ZFAND3: variants seen among roughly 807,000 people sequenced by gnomAD.
ZFAND3 encodes zinc finger AN1-type containing 3, also known as AN1-type zinc finger protein 3.
ZFAND3 carries 10 observed loss-of-function variants against 29.6 expected under a neutral mutation model. That is an observed-to-expected ratio of 0.34 (90% CI 0.21 to 0.57). The LOEUF (loss-of-function observed/expected upper bound fraction) is 0.57, where lower values mean the gene tolerates loss of function less well. Among genes scored for constraint, ZFAND3 ranks in the 20% least tolerant of loss-of-function variants. The pLI, the probability that ZFAND3 is intolerant of heterozygous loss-of-function variation, is 0.86. For synonymous variants in ZFAND3, 128 were observed against 112.6 expected (o/e 1.14, Z -0.87); for missense variants, 230 against 304.5 (o/e 0.76, Z 1.82).
chr6:38,074,213 A>C (rs948942122), intron 3 of ZFAND3, among the ~76,000 whole-genome samples: 2 of 152,190 alleles, frequency 1.3e-5, no homozygotes, highest in African/African-American at 4.8e-5. Context: ...TGCTTTCTTC[A>C]TATTCATATA....
At chr6:38,090,224 A>G (rs1295223996) in intron 4 of ZFAND3, among the ~76,000 whole-genome samples, 1 of 152,222 alleles carries the variant, frequency 6.6e-6, no homozygotes. Flanking sequence ...TCCTTCAGGT[A>G]TAGCTCTTCC....
intron 1 of ZFAND3, among the ~76,000 whole-genome samples, chr6:37,907,979 A>T (rs1765439529): frequency 6.6e-6 from 1 of 152,202 alleles, no homozygotes; most frequent in Non-Finnish European, 1.5e-5. Flanking sequence ...CAGTAATCTC[A>T]TGTCAGCTAC....
chr6:38,121,388 AAAAC>A (rs1160381234), intron 5 of ZFAND3, among the ~76,000 whole-genome samples: 4 of 152,206 alleles, frequency 2.6e-5, no homozygotes, highest in African/African-American at 7.2e-5. Context: ...TAAAAACTAA[AAAAC>A]AAACAACAAA....
At chr6:38,074,209 CTTCATA>C (rs1294936224) in intron 3 of ZFAND3, among the ~76,000 whole-genome samples, 1 of 152,104 alleles carries the variant, frequency 6.6e-6, no homozygotes, top group Non-Finnish European at 1.5e-5. Context: ...AGTGTGCTTT[CTTCATA>C]TTCATATAAA....
intron 2 of ZFAND3, among the ~76,000 whole-genome samples, chr6:38,033,336 A>T (rs560355369): frequency 1.3e-5 from 2 of 152,254 alleles, no homozygotes; most frequent in South Asian, 4.1e-4. Flanking sequence ...TTATTTTTTT[A>T]AAAAAGGAAA....
At chr6:37,993,045 A>G (rs1471101166) in intron 2 of ZFAND3, among the ~76,000 whole-genome samples, 2 of 152,172 alleles carry the variant, frequency 1.3e-5, no homozygotes, top group African/African-American at 2.4e-5. Context: ...ATGTTTGATC[A>G]TGTACTTAAG....
At chr6:38,068,065 A>C (rs2127465901) in intron 3 of ZFAND3, among the ~76,000 whole-genome samples, 1 of 152,334 alleles carries the variant, frequency 6.6e-6, no homozygotes, top group South Asian at 2.1e-4. Context: ...CTAAACTAGC[A>C]GTTAGAGAGT....
At chr6:38,036,221 A>G (rs560359351) in intron 2 of ZFAND3, among the ~76,000 whole-genome samples, 1 of 152,238 alleles carries the variant, frequency 6.6e-6, no homozygotes, top group Non-Finnish European at 1.5e-5. Context: ...ACCAGTAAGA[A>G]GTTTATGTGA....
In ZFAND3 at chr6:37,984,043, T is replaced by C. The variant is rs563085615; in HGVS notation, c.112+54044T>C. Among the ~76,000 whole-genome samples, 3 of 152,364 alleles carry C rather than the reference T, an allele frequency of 2.0e-5. No homozygotes were observed. The East Asian group carries it at 5.8e-4, about 29-fold the overall frequency. ...TCCATCATTTTTCTTTTTTGGGTTA[T>C]AGTCTTTTTGAAAGCACAGTTGGAT... On this transcript the variant is annotated intron_variant, in intron 2 of 5. Coordinates refer to ENST00000287218, the MANE Select transcript of ZFAND3 (RefSeq NM_021943.3).
chr6:37,819,837 C>CCCCCGCTCCTT lies in ZFAND3; in HGVS notation c.-105_-104insGCTCCTTCCCC. The CCCCCGCTCCTT allele has an allele frequency of 2.4e-6, 1 of 423,894 alleles. No homozygotes were observed. The highest frequency in any genetic ancestry group is 3.4e-6 in the Non-Finnish European group (1 of 294,698). 26.3% of individuals were successfully genotyped at this position (423,894 alleles called of 1,614,324 possible). ...GCCCGCGCGCCCGCTCCTTCCCCCT[C>CCCCCGCTCCTT]CCCCCGCCCCGAGCCCCCCGACGCC... On this transcript the variant is annotated 5_prime_UTR_variant, in exon 1 of 6. Coordinates refer to ENST00000287218, the MANE Select transcript of ZFAND3 (RefSeq NM_021943.3).
intron 4 of ZFAND3, among the ~76,000 whole-genome samples, chr6:38,113,960 G>T (rs559191861): frequency 2.6e-5 from 4 of 152,340 alleles, no homozygotes; most frequent in South Asian, 2.1e-4. Flanking sequence ...CAGACACAGA[G>T]GTGTGAAAGA....
At chr6:38,035,178 T>A (rs1442427089) in intron 2 of ZFAND3, among the ~76,000 whole-genome samples, 1 of 152,170 alleles carries the variant, frequency 6.6e-6, no homozygotes, top group Non-Finnish European at 1.5e-5. Flanking sequence ...GAACTATAGC[T>A]GAAGTGTGTA....
At chr6:37,910,897 A>C (rs987551923) in intron 1 of ZFAND3, among the ~76,000 whole-genome samples, 4 of 152,172 alleles carry the variant, frequency 2.6e-5, no homozygotes, top group African/African-American at 9.7e-5. Context: ...TTAAGGCTTA[A>C]TAGTATTCCG....
intron 5 of ZFAND3, among the ~76,000 whole-genome samples, chr6:38,146,246 C>T (rs920720534): frequency 6.6e-6 from 1 of 152,116 alleles, no homozygotes; most frequent in African/African-American, 2.4e-5. Flanking sequence ...GGGAAACCTT[C>T]CCCCCAGATC....
chr6:37,850,912 A>G (rs1185038598), intron 1 of ZFAND3, among the ~76,000 whole-genome samples: 1 of 151,144 alleles, frequency 6.6e-6, no homozygotes, highest in Non-Finnish European at 1.5e-5. Context: ...TTGACTCTTT[A>G]TACCCACTCT....
intron 3 of ZFAND3, among the ~76,000 whole-genome samples, chr6:38,074,425 T>C (rs1764514347): frequency 6.6e-6 from 1 of 152,142 alleles, no homozygotes; most frequent in African/African-American, 2.4e-5. Context: ...GTAAGATACA[T>C]AAAAAAAGTT....
At chr6:38,145,582 T>C (rs983491688) in intron 5 of ZFAND3, among the ~76,000 whole-genome samples, 8 of 152,220 alleles carry the variant, frequency 5.3e-5, no homozygotes, top group Non-Finnish European at 8.8e-5. Context: ...ATGTTAGCTT[T>C]AAAAGCTATA....
At chr6:37,930,949 T>C (rs1761583306) in intron 2 of ZFAND3, among the ~76,000 whole-genome samples, 1 of 152,178 alleles carries the variant, frequency 6.6e-6, no homozygotes, top group Non-Finnish European at 1.5e-5. Flanking sequence ...TTTGCAGAGA[T>C]GACTGGGAGT....
intron 5 of ZFAND3, among the ~76,000 whole-genome samples, chr6:38,128,002 C>T (rs1765667382): frequency 6.6e-6 from 1 of 152,198 alleles, no homozygotes; most frequent in Non-Finnish European, 1.5e-5. Flanking sequence ...TCACCAGACT[C>T]TCTTAACTTC....
Sources: allele counts gnomAD v4.1 joint callset (sites outside exome capture counted in the v4.1 genomes callset), GRCh38; gene constraint gnomAD v4.1.1; transcripts MANE v1.5; gene names NCBI Gene and HGNC (gene_info 2026-07-23, HGNC 2026-07-21).